Variants in REDIC1 observed in about 807,000 individuals in gnomAD.
The protein encoded by REDIC1 is HEI10 Interacting Protein 1.
chr12:39,665,065 T>G, the REDIC1 span, among the ~76,000 whole-genome samples: 18 of 152,206 alleles, frequency 1.2e-4, no homozygotes, highest in Admixed American at 3.3e-4. Flanking sequence ...GTGCAGAAGC[T>G]CTTTAGTTTA....
chr12:39,895,922 A>G, the REDIC1 span, among the ~76,000 whole-genome samples: 7 of 136,978 alleles, frequency 5.1e-5, no homozygotes, highest in African/African-American at 1.8e-4. Context: ...GTATGCATAT[A>G]TGTGTATATG....
chr12:39,729,825 T>C, the REDIC1 span, among the ~76,000 whole-genome samples: 3 of 152,046 alleles, frequency 2.0e-5, no homozygotes, highest in Admixed American at 6.5e-5. Context: ...AGAACTTGCT[T>C]TATGAATCTG....
chr12:39,751,223 A>G, the REDIC1 span, among the ~76,000 whole-genome samples: 1 of 152,174 alleles, frequency 6.6e-6, no homozygotes, highest in African/African-American at 2.4e-5. Context: ...CAAGGAAAAA[A>G]CAACTCCATC....
chr12:39,775,423 A>G, the REDIC1 span, among the ~76,000 whole-genome samples: 156 of 152,362 alleles, frequency 1.0e-3, 1 homozygote, highest in Non-Finnish European at 7.1e-4. Context: ...TTCCTCCTGT[A>G]TTCCTGAAGT....
chr12:39,879,658 C>T, the REDIC1 span, among the ~76,000 whole-genome samples: 1 of 152,170 alleles, frequency 6.6e-6, no homozygotes, highest in African/African-American at 2.4e-5. Flanking sequence ...AATGCCTATA[C>T]CCCCAGTGTA....
the REDIC1 span, among the ~76,000 whole-genome samples, chr12:39,841,102 C>A: frequency 2.0e-5 from 3 of 152,092 alleles, no homozygotes; most frequent in African/African-American, 7.2e-5. Context: ...CTTCCCCTTA[C>A]ACGTTGAGGC....
At chr12:39,686,374 A>C in the REDIC1 span, among the ~76,000 whole-genome samples, 4 of 152,234 alleles carry the variant, frequency 2.6e-5, no homozygotes, top group South Asian at 8.3e-4. Flanking sequence ...GTGCACCCAC[A>C]GGCTTAACAC....
the REDIC1 span, among the ~76,000 whole-genome samples, chr12:39,628,136 A>C: frequency 6.6e-6 from 1 of 152,194 alleles, no homozygotes. Flanking sequence ...GTTGGACATC[A>C]CAAGAATGAC....
chr12:39,746,272 C>T, the REDIC1 span, among the ~76,000 whole-genome samples: 5,134 of 152,236 alleles, frequency 0.034, 305 homozygotes, highest in African/African-American at 0.12. Flanking sequence ...TAGCAAATGG[C>T]ACACCAGGAG....
chr12:39,699,222 G>A, the REDIC1 span, among the ~76,000 whole-genome samples: 1 of 152,164 alleles, frequency 6.6e-6, no homozygotes, highest in Non-Finnish European at 1.5e-5. Flanking sequence ...CCAGACAGTG[G>A]GCGCAGGTCA....
the REDIC1 span, among the ~76,000 whole-genome samples, chr12:39,632,425 T>A: frequency 6.6e-6 from 1 of 152,258 alleles, no homozygotes; most frequent in South Asian, 2.1e-4. Flanking sequence ...TGAAAATGGT[T>A]TTTGTATAAA....
chr12:39,850,859 T>A, the REDIC1 span, among the ~76,000 whole-genome samples: 1 of 152,088 alleles, frequency 6.6e-6, no homozygotes, highest in Non-Finnish European at 1.5e-5. Flanking sequence ...ATGATAAAAA[T>A]GAAATATCAG....
At chr12:39,869,673 T>A in the REDIC1 span, among the ~76,000 whole-genome samples, 6 of 152,076 alleles carry the variant, frequency 3.9e-5, no homozygotes, top group African/African-American at 1.4e-4. Context: ...TACTTCCCCT[T>A]AACAGTCAGG....
the REDIC1 span, among the ~76,000 whole-genome samples, chr12:39,809,595 T>G: frequency 9.8e-5 from 15 of 152,298 alleles, no homozygotes; most frequent in South Asian, 2.7e-3. Context: ...CCTGTTGGTG[T>G]GCTGCACCCA....
At chr12:39,860,594 G>T in the REDIC1 span, among the ~76,000 whole-genome samples, 12 of 152,108 alleles carry the variant, frequency 7.9e-5, no homozygotes, top group Non-Finnish European at 1.0e-4. Flanking sequence ...AAAATTGCAC[G>T]CATGGTCTTA....
At chr12:39,687,038 A>G in the REDIC1 span, among the ~76,000 whole-genome samples, 252 of 152,230 alleles carry the variant, frequency 1.7e-3, 1 homozygote, top group African/African-American at 5.9e-3. Flanking sequence ...TGTATCTGAG[A>G]CCTCCTCAGC....
chr12:39,837,258 A>T, the REDIC1 span, among the ~76,000 whole-genome samples: 2 of 150,754 alleles, frequency 1.3e-5, no homozygotes, highest in African/African-American at 4.9e-5. Context: ...CCTATTTAAT[A>T]AATGGTGCTG....
At chr12:39,730,685 C>T in the REDIC1 span, among the ~76,000 whole-genome samples, 1 of 150,416 alleles carries the variant, frequency 6.6e-6, no homozygotes, top group African/African-American at 2.4e-5. Flanking sequence ...TCTGTATTTC[C>T]TGGTGTTGGC....
the REDIC1 span, among the ~76,000 whole-genome samples, chr12:39,871,501 A>AT: frequency 1.7e-5 from 2 of 120,488 alleles, no homozygotes; most frequent in Non-Finnish European, 4.0e-5. Flanking sequence ...AAAAACAATT[A>AT]TTTTTTTTCA....
Sources: allele counts gnomAD v4.1 joint callset (sites outside exome capture counted in the v4.1 genomes callset), GRCh38; gene constraint gnomAD v4.1.1; transcripts MANE v1.5; gene names NCBI Gene and HGNC (gene_info 2026-07-23, HGNC 2026-07-21).